MGAT4C: variants seen among roughly 807,000 people sequenced by gnomAD.
MGAT4C encodes alpha-1,3-mannosyl-glycoprotein 4-beta-N-acetylglucosaminyltransferase C.
In MGAT4C, 19 loss-of-function variants were observed where a neutral mutation model predicts 40.1. That is an observed-to-expected ratio of 0.47 (90% CI 0.33 to 0.70). MGAT4C has a LOEUF of 0.70. MGAT4C is among the 30% of genes least tolerant of loss of function. The pLI is 0.02. For synonymous variants in MGAT4C, 181 were observed against 187.1 expected (o/e 0.97, Z 0.27); for missense variants, 491 against 563.2 (o/e 0.87, Z 1.30).
Position 86,416,435 on chromosome 12 carries a change from G to A in MGAT4C, c.-120+18722C>T, listed in dbSNP as rs148248191. 4.8e-3 allele frequency among the ~76,000 whole-genome samples: 727 copies of A among 152,202 alleles called. 4 individuals are homozygous for A. The highest frequency in any genetic ancestry group is 5.6e-3 in the Non-Finnish European group (380 of 67,952). On this transcript the variant is annotated intron_variant, in intron 3 of 7. Transcript: ENST00000548651. Reference sequence around the variant, plus strand: ...TGACTGTCATACAAAACAGAAGACTGAATAGCTGTGACATTAAGAAATATT... The same window carrying A: ...TGACTGTCATACAAAACAGAAGACTAAATAGCTGTGACATTAAGAAATATT...
chr12:86,819,330 G>A (rs1313072463), intron 1 of MGAT4C, among the ~76,000 whole-genome samples: 1 of 150,852 alleles, frequency 6.6e-6, no homozygotes. Context: ...AAACTGTGGT[G>A]TAGTATAGGT....
intron 2 of MGAT4C, among the ~76,000 whole-genome samples, chr12:86,648,125 G>T (rs1963595285): frequency 6.6e-6 from 1 of 151,612 alleles, no homozygotes; most frequent in African/African-American, 2.4e-5. Context: ...TTCAATCTAG[G>T]TTTATGTTTA....
At chr12:86,044,323 G>A (rs1565902253) in intron 2 of MGAT4C, among the ~76,000 whole-genome samples, 2 of 152,210 alleles carry the variant, frequency 1.3e-5, no homozygotes. Flanking sequence ...CTTTGTCTGA[G>A]TGGTGATAGA....
At chr12:86,093,621 G>A (rs998781316) in intron 1 of MGAT4C, among the ~76,000 whole-genome samples, 2 of 151,874 alleles carry the variant, frequency 1.3e-5, no homozygotes, top group African/African-American at 2.4e-5. Context: ...CCAGCTACTC[G>A]GGAGGTTGAG....
intron 2 of MGAT4C, among the ~76,000 whole-genome samples, chr12:86,580,116 C>T (rs1053731500): frequency 6.6e-6 from 1 of 151,244 alleles, no homozygotes; most frequent in African/African-American, 2.4e-5. Flanking sequence ...ATTTCTACCC[C>T]TAGTTTACAT....
At chr12:85,991,996 G>A (rs1369961469) in intron 2 of MGAT4C, among the ~76,000 whole-genome samples, 1 of 152,110 alleles carries the variant, frequency 6.6e-6, no homozygotes, top group Non-Finnish European at 1.5e-5. Flanking sequence ...GCAGACAAAG[G>A]TGCCACTAGC....
chr12:86,162,722 T>C (rs1203988132), intron 1 of MGAT4C, among the ~76,000 whole-genome samples: 4 of 152,158 alleles, frequency 2.6e-5, no homozygotes, highest in African/African-American at 7.2e-5. Context: ...TGACAGCAAA[T>C]ATATCATTAG....
chr12:86,260,514 T>C (rs1952636568), upstream of MGAT4C, among the ~76,000 whole-genome samples: 2 of 152,180 alleles, frequency 1.3e-5, no homozygotes, highest in African/African-American at 4.8e-5. Flanking sequence ...ATGTGCCAAT[T>C]TCCTAATAGA....
Position 86,182,572 on chromosome 12 carries a change from CCTTTCTT to C in MGAT4C, c.-57+73660_-57+73666del, listed in dbSNP as rs575404330. 7.5e-4 allele frequency among the ~76,000 whole-genome samples: 114 copies of C among 152,164 alleles called. 1 individual carries two copies. The East Asian group carries it at 8.7e-3, about 12-fold the overall frequency. ...TTGCTTTCCTCTCTCTTCCTCCCTT[CCTTTCTT>C]CTTTCTTCTCTCTCTTTATTCATTT... is the stretch of plus-strand genomic sequence containing the variant. On this transcript the variant is annotated intron_variant, in intron 1 of 4. Coordinates refer to ENST00000611864, the MANE Select transcript of MGAT4C (RefSeq NM_001351288.2).
intron 1 of MGAT4C, among the ~76,000 whole-genome samples, chr12:86,748,574 A>C (rs1951187358): frequency 6.6e-6 from 1 of 151,718 alleles, no homozygotes; most frequent in South Asian, 2.1e-4. Flanking sequence ...ACAGAACTGG[A>C]GGCCATGCTG....
intron 2 of MGAT4C, among the ~76,000 whole-genome samples, chr12:86,668,435 C>T (rs1384657721): frequency 6.6e-6 from 1 of 152,168 alleles, no homozygotes. Flanking sequence ...GGAGGAAGAG[C>T]TCTTTGTTTC....
At chr12:86,441,742 A>G (rs1413477365) in intron 2 of MGAT4C, among the ~76,000 whole-genome samples, 2 of 151,998 alleles carry the variant, frequency 1.3e-5, no homozygotes, top group East Asian at 1.9e-4. Context: ...AATCTAGGCA[A>G]TCATTAATGG....
At chr12:86,734,668 A>T (rs1029889304) in intron 1 of MGAT4C, among the ~76,000 whole-genome samples, 4 of 152,084 alleles carry the variant, frequency 2.6e-5, no homozygotes, top group African/African-American at 9.7e-5. Flanking sequence ...ACCACCGTCT[A>T]CAAATCAGGA....
chr12:86,474,115 C>T (rs1222114437), intron 2 of MGAT4C, among the ~76,000 whole-genome samples: 2 of 151,802 alleles, frequency 1.3e-5, no homozygotes, highest in East Asian at 3.9e-4. Context: ...AGACTTGGAA[C>T]CAACACAAAT....
intron 2 of MGAT4C, among the ~76,000 whole-genome samples, chr12:86,700,035 A>AATAGATAGATAGATAG (rs58993633): frequency 0.31 from 45,798 of 147,400 alleles, 7,369 homozygotes; most frequent in Middle Eastern, 0.36. Flanking sequence ...AATTTAGATA[A>AATAGATAGATAGATAG]ATAGATAGAT....
intron 2 of MGAT4C, among the ~76,000 whole-genome samples, chr12:86,494,809 A>G (rs983671924): frequency 2.6e-5 from 4 of 152,074 alleles, no homozygotes; most frequent in African/African-American, 9.7e-5. Flanking sequence ...TAGTTCATCA[A>G]AGAAAAAGGG....
intron 2 of MGAT4C, among the ~76,000 whole-genome samples, chr12:85,992,741 T>C (rs1222509827): frequency 2.0e-5 from 3 of 152,246 alleles, no homozygotes; most frequent in African/African-American, 4.8e-5. Context: ...AACAGAAACA[T>C]GGCCTCAGGA....
chr12:86,203,975 A>AATATATATATATATAGATATATATAT (rs1950153217), intron 1 of MGAT4C, among the ~76,000 whole-genome samples: 1 of 137,064 alleles, frequency 7.3e-6, no homozygotes, highest in Admixed American at 7.6e-5. Context: ...AAAAAAAAGA[A>AATATATATATATATAGATATATATAT]ATATATATAT....
At chr12:86,092,122 T>A (rs1291803525) in intron 1 of MGAT4C, among the ~76,000 whole-genome samples, 1 of 152,102 alleles carries the variant, frequency 6.6e-6, no homozygotes, top group Non-Finnish European at 1.5e-5. Context: ...GACCTTTTGT[T>A]TTTCATTGCA....
Sources: gnomAD v4.1 joint callset for allele counts (sites outside exome capture counted in the v4.1 genomes callset) on GRCh38, gnomAD v4.1.1 for gene constraint, MANE v1.5 for transcripts, NCBI Gene and HGNC (gene_info 2026-07-23, HGNC 2026-07-21) for gene names.